Variants in PRICKLE2 observed in about 807,000 individuals in gnomAD.
PRICKLE2 encodes the protein prickle planar cell polarity protein 2, also known as prickle-like protein 2.
In PRICKLE2, 21 loss-of-function variants were observed where a neutral mutation model predicts 81.4. The observed-to-expected ratio is 0.26, with a 90% CI of 0.18 to 0.37. The LOEUF is 0.37. PRICKLE2 is among the 10% of genes least tolerant of loss of function. The pLI is 1.00. For missense variants in PRICKLE2, 940 were observed against 1,109.0 expected (o/e 0.85, Z 2.16); for synonymous variants, 456 against 421.5 (o/e 1.08, Z -1.00).
rs1011952399 is a variant in PRICKLE2 at position 64,160,037 on chromosome 3, T to A, written c.299A>T (p.Glu100Val). The A allele has an allele frequency of 2.5e-6, 4 of 1,613,980 alleles. No homozygotes were observed. Among genetic ancestry groups the A allele is most frequent in the African/African-American group, 1.3e-5 (1 of 74,918 alleles). Residue 100 changes from glutamate to valine, a missense_variant, in exon 4 of 8, where the codon GAG (glutamate) becomes GTG (valine). Transcript: ENST00000638394. ...CNSLDEEEKR[E>V]LKLFSSQRKR... is the part of the protein sequence containing the mutation. ...CCTCTGGCTGCTGAAAAGCTTCAGC[T>A]CCCTCTTCTCTTCCTCATCCAGGGA...
At chr3:64,100,663 T>C (rs1000462173) in intron 7 of PRICKLE2, 2 of 152,262 alleles carry the variant, frequency 1.3e-5, no homozygotes, top group African/African-American at 4.8e-5. Flanking sequence ...GTGGGTTTGA[T>C]GCTCTCAAAC....
chr3:64,149,175 T>C (rs2077504385), intron 6 of PRICKLE2, among the ~76,000 whole-genome samples: 2 of 152,172 alleles, frequency 1.3e-5, no homozygotes, highest in African/African-American at 4.8e-5. Flanking sequence ...CTTCTCATCA[T>C]CTCTGCCCTC....
chr3:64,228,153 T>C (rs1042261821), upstream of PRICKLE2, among the ~76,000 whole-genome samples: 3 of 152,218 alleles, frequency 2.0e-5, no homozygotes, highest in African/African-American at 7.2e-5. Flanking sequence ...CATTCACTCA[T>C]TAAATAAGCT....
chr3:64,096,261 G>C lies in PRICKLE2; in HGVS notation c.*2790C>G, dbSNP rs2076571272. 6.6e-6 allele frequency: 1 copy of C among 152,244 alleles called. No homozygotes were observed. The highest frequency in any genetic ancestry group is 1.5e-5 in the Non-Finnish European group (1 of 68,074). 9.4% of individuals were successfully genotyped at this position (152,244 alleles called of 1,614,324 possible). On this transcript the variant is annotated 3_prime_UTR_variant, in exon 8 of 8. Transcript: ENST00000638394. ...TTGAAGATGGAATTATGATCTAAGA[G>C]GAAGTGAGTACAGGCCCTACTCACA...
At chr3:64,144,316 A>T (rs753519152) in intron 7 of PRICKLE2, among the ~76,000 whole-genome samples, 1 of 152,090 alleles carries the variant, frequency 6.6e-6, no homozygotes, top group Non-Finnish European at 1.5e-5. Context: ...CAACCTCTCC[A>T]TTTCTGTTTC....
intron 1 of PRICKLE2, among the ~76,000 whole-genome samples, chr3:64,201,922 C>A (rs2078588395): frequency 6.6e-6 from 1 of 152,146 alleles, no homozygotes; most frequent in African/African-American, 2.4e-5. Context: ...GTATATGGCA[C>A]TAAGTAGGAG....
chr3:64,249,765 T>C (rs2079417574), intron 2 of PRICKLE2, among the ~76,000 whole-genome samples: 1 of 152,234 alleles, frequency 6.6e-6, no homozygotes, highest in Non-Finnish European at 1.5e-5. Context: ...TTCAAGTATG[T>C]TCCTATCTTC....
At chr3:64,149,312 T>C (rs1224945416) in intron 6 of PRICKLE2, among the ~76,000 whole-genome samples, 2 of 152,212 alleles carry the variant, frequency 1.3e-5, no homozygotes, top group Non-Finnish European at 1.5e-5. Context: ...TCTGCTCTCC[T>C]GGCACCCAGG....
Position 64,152,370 on chromosome 3 carries a change from G to A in PRICKLE2, c.787+812C>T, listed in dbSNP as rs541632240. Among the ~76,000 whole-genome samples, 6 of 152,286 alleles carry A rather than the reference G, an allele frequency of 3.9e-5. No homozygotes were observed. In the East Asian group the frequency reaches 1.2e-3, roughly 29 times the overall value. On this transcript the variant is annotated intron_variant, in intron 6 of 7. Transcript: ENST00000638394. ...CTTCCCAAGGTGCCAGAAAAGGCAA[G>A]TTGAATGAAGAAGCCACAATGCAGT...
intron 1 of PRICKLE2, among the ~76,000 whole-genome samples, chr3:64,210,604 A>C (rs368312252): frequency 6.6e-6 from 1 of 152,174 alleles, no homozygotes; most frequent in Non-Finnish European, 1.5e-5. Context: ...AAGTTGGTAC[A>C]GGGTAATTTT....
At chr3:64,267,776 G>C (rs1248009818) in intron 2 of PRICKLE2, 4 of 152,176 alleles carry the variant, frequency 2.6e-5, no homozygotes, top group Non-Finnish European at 5.9e-5. Context: ...GTGGCAAAGC[G>C]CATCTCTCCC....
intron 7 of PRICKLE2, among the ~76,000 whole-genome samples, chr3:64,112,895 G>T (rs995408932): frequency 2.6e-5 from 4 of 152,238 alleles, no homozygotes; most frequent in Admixed American, 2.0e-4. Context: ...AGCTCCCAAG[G>T]AGGGACTGAG....
At chr3:64,151,219 T>C (rs796270861) in intron 6 of PRICKLE2, among the ~76,000 whole-genome samples, 4 of 152,366 alleles carry the variant, frequency 2.6e-5, no homozygotes, top group African/African-American at 9.6e-5. Context: ...GAGTGTGCTC[T>C]TTCACTGTCA....
intron 2 of PRICKLE2, among the ~76,000 whole-genome samples, chr3:64,186,047 G>A (rs2078224561): frequency 6.6e-6 from 1 of 152,078 alleles, no homozygotes; most frequent in African/African-American, 2.4e-5. Context: ...TATTTTGCCT[G>A]GCTTCTTTCA....
chr3:64,242,291 C>T (rs377681004), intron 2 of PRICKLE2, among the ~76,000 whole-genome samples: 6 of 152,174 alleles, frequency 3.9e-5, no homozygotes, highest in Non-Finnish European at 7.3e-5. Context: ...TAGAACCTTG[C>T]ATTTTAACTT....
At chr3:64,137,053 A>G (rs2077289878) in intron 7 of PRICKLE2, among the ~76,000 whole-genome samples, 3 of 152,226 alleles carry the variant, frequency 2.0e-5, no homozygotes, top group Admixed American at 2.0e-4. Flanking sequence ...GTGAACTAAT[A>G]CGTAGGGAAG....
intron 1 of PRICKLE2, 81 bp from the exon 2 acceptor site, chr3:64,199,048 G>C (rs1229617405): frequency 1.8e-5 from 24 of 1,323,086 alleles, no homozygotes; most frequent in Non-Finnish European, 2.4e-5. Flanking sequence ...ACTAGCCCCT[G>C]GATCCCAAAC....
At chr3:64,157,510 G>A (rs368756547) in intron 4 of PRICKLE2, 145 bp from the exon 5 acceptor site, 2 of 839,082 alleles carry the variant, frequency 2.4e-6, no homozygotes, top group Non-Finnish European at 3.9e-6. Flanking sequence ...TACACAGGCA[G>A]CAGGGCAGGT....
intron 2 of PRICKLE2, among the ~76,000 whole-genome samples, chr3:64,235,592 G>C (rs548360132): frequency 5.3e-4 from 80 of 152,284 alleles, no homozygotes; most frequent in Non-Finnish European, 8.5e-4. Flanking sequence ...CAGACAAGTT[G>C]AGCGAAGTCT....
Sources: gnomAD v4.1 joint callset for allele counts (sites outside exome capture counted in the v4.1 genomes callset) on GRCh38, gnomAD v4.1.1 for gene constraint, MANE v1.5 for transcripts, NCBI Gene and HGNC (gene_info 2026-07-23, HGNC 2026-07-21) for gene names.